Variants in SENP7 observed in about 807,000 individuals in gnomAD.
SENP7 encodes the protein sentrin-specific protease 7.
In SENP7, 64 loss-of-function variants were observed where a neutral mutation model predicts 141.2. The ratio of observed to expected loss-of-function variants is 0.45; its 90% confidence interval spans 0.37 to 0.56. SENP7 has a LOEUF of 0.56. Among genes scored for constraint, SENP7 ranks in the 20% least tolerant of loss-of-function variants. The pLI, the probability that SENP7 is intolerant of heterozygous loss-of-function variation, is 0.00. For synonymous variants in SENP7, 382 were observed against 426.4 expected, an observed-to-expected ratio of 0.90 and a Z score of 1.28; for missense variants, 1,025 against 1,212.2, an observed-to-expected ratio of 0.85 and a Z score of 2.29.
intron 4 of SENP7, among the ~76,000 whole-genome samples, chr3:101,442,406 G>A (rs772102996): frequency 1.1e-4 from 16 of 152,026 alleles, no homozygotes; most frequent in East Asian, 1.9e-4. Context: ...AACCTAGGTC[G>A]CCTGCATGCA....
intron 6 of SENP7, among the ~76,000 whole-genome samples, chr3:101,385,782 C>T (rs1294004890): frequency 6.6e-6 from 1 of 152,176 alleles, no homozygotes; most frequent in East Asian, 1.9e-4. Context: ...GCTGACACAT[C>T]TAGAATTATA....
At chr3:101,417,526 T>C in intron 5 of SENP7, 67 bp downstream of exon 5, 2 of 1,270,978 alleles carry the variant, frequency 1.6e-6, no homozygotes, top group Non-Finnish European at 2.3e-6. Flanking sequence ...ATTTTATCAT[T>C]AGGAGTACGG....
At chr3:101,424,742 G>A (rs1410618078) in intron 4 of SENP7, among the ~76,000 whole-genome samples, 1 of 152,112 alleles carries the variant, frequency 6.6e-6, no homozygotes, top group East Asian at 1.9e-4. Context: ...CTGCCACTGT[G>A]GTGAACACTC....
At chr3:101,473,622 T>G (rs186870178) in intron 3 of SENP7, among the ~76,000 whole-genome samples, 1 of 152,344 alleles carries the variant, frequency 6.6e-6, no homozygotes, top group East Asian at 1.9e-4. Flanking sequence ...TAATTATAGA[T>G]GCAGTATATT....
intron 5 of SENP7, among the ~76,000 whole-genome samples, chr3:101,410,802 G>A (rs1223507528): frequency 2.8e-5 from 4 of 143,286 alleles, no homozygotes; most frequent in South Asian, 2.2e-4. Flanking sequence ...CAGAGACTGC[G>A]CCACTGCACT....
chr3:101,375,300 T>C (rs995820412), intron 6 of SENP7, among the ~76,000 whole-genome samples: 2 of 151,816 alleles, frequency 1.3e-5, no homozygotes, highest in African/African-American at 4.8e-5. Context: ...CCCAGCACTT[T>C]GGGAGGCTGA....
chr3:101,356,441 AT>A (rs924078995), intron 11 of SENP7, among the ~76,000 whole-genome samples: 2 of 152,180 alleles, frequency 1.3e-5, no homozygotes, highest in Admixed American at 1.3e-4. Flanking sequence ...TTTCAAAAAA[AT>A]TTTTTCAAGG....
At chr3:101,452,238 T>C (rs1403324631) in intron 4 of SENP7, among the ~76,000 whole-genome samples, 2 of 152,312 alleles carry the variant, frequency 1.3e-5, no homozygotes, top group Middle Eastern at 3.4e-3. Flanking sequence ...TGGAAGAACA[T>C]TCCATGCTCA....
intron 4 of SENP7, among the ~76,000 whole-genome samples, chr3:101,424,984 C>T (rs2061911928): frequency 6.6e-6 from 1 of 152,040 alleles, no homozygotes; most frequent in Admixed American, 6.6e-5. Context: ...AAAGGGAAAC[C>T]CCTTTCACTT....
chr3:101,487,771 G>T (rs2064792711), intron 3 of SENP7, among the ~76,000 whole-genome samples: 1 of 152,092 alleles, frequency 6.6e-6, no homozygotes, highest in East Asian at 1.9e-4. Flanking sequence ...GATGGTTGTA[G>T]GTGTGCAGCA....
intron 5 of SENP7, among the ~76,000 whole-genome samples, chr3:101,417,370 C>T (rs2061655308): frequency 6.6e-6 from 1 of 151,994 alleles, no homozygotes. Context: ...TAATGATACT[C>T]GTTTTTAAAT....
chr3:101,457,617 G>T (rs564736980), intron 4 of SENP7: 36 of 1,565,342 alleles, frequency 2.3e-5, no homozygotes, highest in South Asian at 1.7e-4. Context: ...ATCATCTGCT[G>T]TGGCTGTTCT....
chr3:101,422,946 T>C (rs1175017200), intron 4 of SENP7, among the ~76,000 whole-genome samples: 1 of 152,134 alleles, frequency 6.6e-6, no homozygotes, highest in African/African-American at 2.4e-5. Flanking sequence ...CTTAATTATA[T>C]AGCTTGGCCA....
At chr3:101,405,089 C>G (rs111318822) in intron 5 of SENP7, among the ~76,000 whole-genome samples, 3 of 152,088 alleles carry the variant, frequency 2.0e-5, no homozygotes, top group African/African-American at 4.8e-5. Context: ...TGTGGAAGCT[C>G]GCATCGTGAA....
intron 3 of SENP7, among the ~76,000 whole-genome samples, chr3:101,472,357 T>C (rs1325219467): frequency 1.3e-5 from 2 of 152,172 alleles, no homozygotes; most frequent in Non-Finnish European, 2.9e-5. Context: ...TGCAGGGACA[T>C]GGATGAAGCT....
intron 4 of SENP7, among the ~76,000 whole-genome samples, chr3:101,431,472 A>G (rs936582507): frequency 2.6e-4 from 37 of 140,770 alleles, no homozygotes; most frequent in African/African-American, 9.1e-4. Flanking sequence ...GTTGGTTTAA[A>G]GTCTGTTTTA....
At chr3:101,337,868 C>T (rs1161620076) in intron 16 of SENP7, among the ~76,000 whole-genome samples, 2 of 152,032 alleles carry the variant, frequency 1.3e-5, no homozygotes, top group Non-Finnish European at 2.9e-5. Context: ...AAATTCCTAA[C>T]ATGTGGCCAG....
intron 6 of SENP7, among the ~76,000 whole-genome samples, chr3:101,373,518 A>C (rs1216381698): frequency 2.0e-5 from 3 of 152,202 alleles, no homozygotes; most frequent in Non-Finnish European, 4.4e-5. Flanking sequence ...TATAAGAAGC[A>C]AACAGTGTAA....
intron 4 of SENP7, among the ~76,000 whole-genome samples, chr3:101,450,295 A>T (rs2063076918): frequency 6.6e-6 from 1 of 151,928 alleles, no homozygotes; most frequent in Non-Finnish European, 1.5e-5. Context: ...TCAACATTAG[A>T]CAGATCAACA....
Sources: gnomAD v4.1 joint callset for allele counts (sites outside exome capture counted in the v4.1 genomes callset) on GRCh38, gnomAD v4.1.1 for gene constraint, MANE v1.5 for transcripts, NCBI Gene and HGNC (gene_info 2026-07-23, HGNC 2026-07-21) for gene names.